Variants in KAZN observed in about 807,000 individuals in gnomAD.
KAZN encodes the protein kazrin, periplakin interacting protein.
Under a neutral mutation model 87.4 loss-of-function variants are expected in KAZN, and 40 were observed. That is an observed-to-expected ratio of 0.46 (90% CI 0.36 to 0.60). The LOEUF is 0.60. KAZN is among the 20% of genes least tolerant of loss of function. KAZN has a pLI of 0.00. For missense variants in KAZN, 898 were observed against 1,073.9 expected (o/e 0.84, Z 2.29); for synonymous variants, 466 against 458.3 (o/e 1.02, Z -0.22).
At chr1:13,933,672 T>C (rs1432637128) in intron 1 of KAZN, among the ~76,000 whole-genome samples, 1 of 152,248 alleles carries the variant, frequency 6.6e-6, no homozygotes, top group Non-Finnish European at 1.5e-5. Flanking sequence ...GGCTAATATT[T>C]GCTGAATGGT....
intron 2 of KAZN, chr1:14,351,144 T>C (rs1305540846): frequency 1.3e-5 from 2 of 152,234 alleles, no homozygotes; most frequent in Non-Finnish European, 2.9e-5. Flanking sequence ...GGCAGGTGTG[T>C]TTCTGTTCTC....
chr1:13,907,232 G>A (rs1639473225), intron 1 of KAZN, among the ~76,000 whole-genome samples: 1 of 152,154 alleles, frequency 6.6e-6, no homozygotes, highest in Admixed American at 6.5e-5. Flanking sequence ...CCCCCTCCAG[G>A]ACTAGAGTCC....
At chr1:14,167,601 C>A (rs1645858977) in intron 1 of KAZN, among the ~76,000 whole-genome samples, 1 of 152,126 alleles carries the variant, frequency 6.6e-6, no homozygotes, top group Non-Finnish European at 1.5e-5. Context: ...CAGACACCTA[C>A]AATTCCAGCT....
intron 1 of KAZN, among the ~76,000 whole-genome samples, chr1:14,862,081 C>T (rs534049884): frequency 5.3e-5 from 8 of 152,124 alleles, no homozygotes; most frequent in Admixed American, 1.3e-4. Context: ...CTGCCTACAG[C>T]GCCTATGGTG....
chr1:14,725,557 G>A (rs1643339821), intron 1 of KAZN, among the ~76,000 whole-genome samples: 1 of 150,672 alleles, frequency 6.6e-6, no homozygotes, highest in Admixed American at 6.6e-5. Flanking sequence ...AGGAATAAAT[G>A]TAAGCCTTAT....
At chr1:14,322,668 T>C (rs189944608) in intron 2 of KAZN, among the ~76,000 whole-genome samples, 1 of 152,342 alleles carries the variant, frequency 6.6e-6, no homozygotes, top group East Asian at 1.9e-4. Context: ...AAGATTTATT[T>C]CTCATTCACC....
At chr1:14,215,583 G>A (rs1481570159) in intron 2 of KAZN, among the ~76,000 whole-genome samples, 2 of 152,188 alleles carry the variant, frequency 1.3e-5, no homozygotes, top group Admixed American at 1.3e-4. Flanking sequence ...TCTGCACAAC[G>A]ATTGGTTCTT....
At chr1:15,018,600 T>TAA (rs3037647) in intron 2 of KAZN, among the ~76,000 whole-genome samples, 82,981 of 146,464 alleles carry the variant, frequency 0.57, 23,621 homozygotes, top group African/African-American at 0.63. Flanking sequence ...GGAGTTGATT[T>TAA]AAAAAAAAAA....
chr1:14,641,069 T>TC (rs1207061350), intron 1 of KAZN, among the ~76,000 whole-genome samples: 3 of 152,176 alleles, frequency 2.0e-5, no homozygotes, highest in African/African-American at 7.2e-5. Context: ...CCAGCAGAAG[T>TC]CCTGGGTCAT....
chr1:14,376,217 T>A (rs766301026), intron 2 of KAZN, among the ~76,000 whole-genome samples: 1 of 152,172 alleles, frequency 6.6e-6, no homozygotes, highest in African/African-American at 2.4e-5. Flanking sequence ...GCCCTGTACA[T>A]GCATCATACC....
At chr1:13,937,700 G>C (rs1189488058) in intron 1 of KAZN, among the ~76,000 whole-genome samples, 1 of 151,322 alleles carries the variant, frequency 6.6e-6, no homozygotes, top group East Asian at 1.9e-4. Context: ...GTTAATTTTT[G>C]TGTATAGTGA....
intron 2 of KAZN, among the ~76,000 whole-genome samples, chr1:14,276,761 C>T (rs1193429600): frequency 6.6e-6 from 1 of 152,180 alleles, no homozygotes. Context: ...TCTAAATAAG[C>T]TCACATTCAC....
At chr1:14,988,815 C>A (rs560843509) in intron 2 of KAZN, among the ~76,000 whole-genome samples, 42 of 152,124 alleles carry the variant, frequency 2.8e-4, no homozygotes, top group Non-Finnish European at 4.1e-4. Context: ...AGGAGAGGGG[C>A]ACCCAGCAAA....
At chr1:14,390,094 GT>G (rs74498664) in intron 2 of KAZN, among the ~76,000 whole-genome samples, 2 of 151,866 alleles carry the variant, frequency 1.3e-5, no homozygotes, top group South Asian at 2.1e-4. Flanking sequence ...AAATTTCACT[GT>G]TTTTTTTCCA....
intron 2 of KAZN, among the ~76,000 whole-genome samples, chr1:14,193,131 C>G (rs1353899907): frequency 1.3e-5 from 2 of 152,156 alleles, no homozygotes; most frequent in Non-Finnish European, 2.9e-5. Flanking sequence ...TTCCTGCCGC[C>G]TTGTGAAGAA....
At chr1:14,053,302 C>T (rs530790914) in intron 1 of KAZN, among the ~76,000 whole-genome samples, 1 of 152,300 alleles carries the variant, frequency 6.6e-6, no homozygotes, top group East Asian at 1.9e-4. Flanking sequence ...GGAAGCAGCC[C>T]TTCCCAGGTT....
At chr1:14,669,344 A>G (rs905883569) in intron 1 of KAZN, among the ~76,000 whole-genome samples, 1 of 152,166 alleles carries the variant, frequency 6.6e-6, no homozygotes, top group African/African-American at 2.4e-5. Context: ...AACATCCCAC[A>G]ATGAACAAGA....
chr1:14,627,786 G>C (rs999004191), intron 1 of KAZN, among the ~76,000 whole-genome samples: 1 of 152,222 alleles, frequency 6.6e-6, no homozygotes, highest in Admixed American at 6.5e-5. Context: ...TAAGTTTAGA[G>C]AAGCTCCACA....
chr1:14,084,293 C>T (rs542844703), intron 1 of KAZN, among the ~76,000 whole-genome samples: 9 of 152,292 alleles, frequency 5.9e-5, no homozygotes, highest in Admixed American at 5.9e-4. Context: ...GGAGGGAACT[C>T]TGGAAGAAGT....
Sources: gnomAD v4.1 joint callset for allele counts (sites outside exome capture counted in the v4.1 genomes callset) on GRCh38, gnomAD v4.1.1 for gene constraint, MANE v1.5 for transcripts, NCBI Gene and HGNC (gene_info 2026-07-23, HGNC 2026-07-21) for gene names.